Variants in SPATA16 observed in about 807,000 individuals in gnomAD.
The protein encoded by SPATA16 is spermatogenesis associated 16, also known as spermatogenesis-associated protein 16.
Under a neutral mutation model 63.3 loss-of-function variants are expected in SPATA16, and 36 were observed. The ratio of observed to expected loss-of-function variants is 0.57; its 90% CI spans 0.44 to 0.75. The LOEUF is 0.75. Among genes scored for constraint, SPATA16 ranks in the 30% least tolerant of loss-of-function variants. The pLI, the probability that SPATA16 is intolerant of heterozygous loss-of-function variation, is 0.00. For synonymous variants in SPATA16, 203 were observed against 216.7 expected, an observed-to-expected ratio of 0.94 and a Z score of 0.56; for missense variants, 646 against 679.3, an observed-to-expected ratio of 0.95 and a Z score of 0.54.
intron 2 of SPATA16, among the ~76,000 whole-genome samples, chr3:173,068,341 A>G (rs984350865): frequency 5.9e-5 from 9 of 152,210 alleles, no homozygotes; most frequent in African/African-American, 1.7e-4. Flanking sequence ...AAAGTCAAAA[A>G]GTGGGAGAAA....
At chr3:172,925,237 A>C in intron 7 of SPATA16, 109 bp downstream of exon 7, 1 of 1,245,044 alleles carries the variant, frequency 8.0e-7, no homozygotes, top group Non-Finnish European at 1.1e-6. Flanking sequence ...ATTGTTAACT[A>C]ACCCACAAAG....
intron 4 of SPATA16, among the ~76,000 whole-genome samples, chr3:172,996,241 T>C (rs550341930): frequency 6.6e-6 from 1 of 152,248 alleles, no homozygotes; most frequent in South Asian, 2.1e-4. Flanking sequence ...ACTGGTAATA[T>C]TAACTTTGAT....
At chr3:172,901,084 T>A (rs1480014534) in intron 10 of SPATA16, among the ~76,000 whole-genome samples, 1 of 152,250 alleles carries the variant, frequency 6.6e-6, no homozygotes, top group African/African-American at 2.4e-5. Context: ...TTAGTTTTTC[T>A]TTATATTTTC....
chr3:173,136,813 GGAA>G (rs1453838388), intron 1 of SPATA16, among the ~76,000 whole-genome samples: 1 of 152,040 alleles, frequency 6.6e-6, no homozygotes, highest in Non-Finnish European at 1.5e-5. Flanking sequence ...GGAGAAGGTG[GGAA>G]GAAGAAGGGT....
At chr3:172,981,750 G>A (rs961945877) in intron 4 of SPATA16, among the ~76,000 whole-genome samples, 1 of 152,080 alleles carries the variant, frequency 6.6e-6, no homozygotes, top group Non-Finnish European at 1.5e-5. Flanking sequence ...ATTAGTTTTG[G>A]TGGTGTTTAT....
Position 173,117,307 on chromosome 3 carries a change from G to T in SPATA16, c.425C>A (p.Ser142Tyr), listed in dbSNP as rs1461795553. The T allele has an allele frequency of 6.2e-7, 1 of 1,614,118 alleles. No individual in the cohort carries two copies. Among genetic ancestry groups the T allele is most frequent in the Admixed American group, 1.7e-5 (1 of 60,012 alleles). Residue 142 changes from serine (S) to tyrosine (Y), a missense_variant, in exon 2 of 11, where the codon TCC (serine) becomes TAC (tyrosine). Ser to Tyr is a moderately radical substitution (Grantham distance 144, BLOSUM62 -2). Coordinates refer to ENST00000351008, the MANE Select transcript of SPATA16 (RefSeq NM_031955.6). ...TGGCTGACTCCCAGTAGACATGAAG[G>T]ACTCTACAAACTCATAGCGAACACC... ...EMGVRYEFVE[S>Y]FMSTGSQPTC...
intron 4 of SPATA16, among the ~76,000 whole-genome samples, chr3:172,992,595 C>T (rs149830686): frequency 1.2e-4 from 18 of 152,130 alleles, no homozygotes; most frequent in African/African-American, 2.7e-4. Flanking sequence ...ATATTCATGA[C>T]GCAGGCATGA....
At chr3:173,088,071 TTTC>T (rs1737120944) in intron 2 of SPATA16, among the ~76,000 whole-genome samples, 2 of 136,444 alleles carry the variant, frequency 1.5e-5, no homozygotes, top group Admixed American at 7.6e-5. Context: ...TCTTTCTTTC[TTTC>T]TTTCTGTCTT....
chr3:173,011,902 C>A (rs565074045), intron 4 of SPATA16, among the ~76,000 whole-genome samples: 3 of 152,274 alleles, frequency 2.0e-5, no homozygotes, highest in African/African-American at 7.2e-5. Context: ...CAGCCTCGAA[C>A]TCCTGGGCTT....
chr3:173,022,853 G>T (rs1050776593), intron 3 of SPATA16, among the ~76,000 whole-genome samples: 2 of 151,986 alleles, frequency 1.3e-5, no homozygotes, highest in African/African-American at 4.8e-5. Context: ...AGGGCTTTTG[G>T]TAAAAAACAA....
At chr3:172,957,742 C>T (rs1486796698) in intron 5 of SPATA16, among the ~76,000 whole-genome samples, 1 of 152,110 alleles carries the variant, frequency 6.6e-6, no homozygotes, top group Non-Finnish European at 1.5e-5. Flanking sequence ...ATAAGCTTTT[C>T]AACAGAGAAA....
At chr3:172,951,047 A>G (rs1326370405) in intron 6 of SPATA16, among the ~76,000 whole-genome samples, 1 of 152,188 alleles carries the variant, frequency 6.6e-6, no homozygotes. Context: ...ATATATGAAT[A>G]AAAATCTCAA....
chr3:173,016,132 T>A (rs985267327), intron 4 of SPATA16, among the ~76,000 whole-genome samples: 8 of 152,222 alleles, frequency 5.3e-5, no homozygotes, highest in Admixed American at 5.2e-4. Context: ...ATCTCCGCAA[T>A]GTGACTAGCA....
At chr3:173,037,861 T>A (rs1735749896) in intron 3 of SPATA16, among the ~76,000 whole-genome samples, 1 of 152,114 alleles carries the variant, frequency 6.6e-6, no homozygotes, top group Non-Finnish European at 1.5e-5. Flanking sequence ...TTTAAGGAAG[T>A]ACAGCAATAA....
chr3:173,001,481 T>G (rs547798034), intron 4 of SPATA16, among the ~76,000 whole-genome samples: 1 of 152,242 alleles, frequency 6.6e-6, no homozygotes, highest in East Asian at 1.9e-4. Context: ...GCCAAAAGTA[T>G]GAGGGGTTTT....
At chr3:173,033,745 C>T (rs1390742267) in intron 3 of SPATA16, among the ~76,000 whole-genome samples, 1 of 152,134 alleles carries the variant, frequency 6.6e-6, no homozygotes, top group Non-Finnish European at 1.5e-5. Context: ...CACTCTGACA[C>T]CCAGGCTGAA....
At chr3:172,927,247 C>T (rs1004264516) in intron 6 of SPATA16, among the ~76,000 whole-genome samples, 7 of 152,154 alleles carry the variant, frequency 4.6e-5, no homozygotes, top group Admixed American at 3.3e-4. Context: ...GATGCCACCT[C>T]GAGCTTCTCC....
intron 2 of SPATA16, among the ~76,000 whole-genome samples, chr3:173,110,612 T>G (rs767862509): frequency 1.2e-4 from 19 of 152,184 alleles, no homozygotes; most frequent in Non-Finnish European, 2.5e-4. Context: ...TGTTTTTCAA[T>G]AAACAATTCT....
At chr3:173,121,073 C>G (rs1202003391) in intron 1 of SPATA16, among the ~76,000 whole-genome samples, 2 of 152,162 alleles carry the variant, frequency 1.3e-5, no homozygotes, top group Non-Finnish European at 2.9e-5. Context: ...CAGGTTCCCT[C>G]CCAAATTCAG....
Sources: allele counts gnomAD v4.1 joint callset (sites outside exome capture counted in the v4.1 genomes callset), GRCh38; gene constraint gnomAD v4.1.1; transcripts MANE v1.5; gene names NCBI Gene and HGNC (gene_info 2026-07-23, HGNC 2026-07-21).